BAHCC1: variants seen among roughly 807,000 people sequenced by gnomAD.
The protein encoded by BAHCC1 is BAH domain and coiled-coil containing 1, also known as BAH and coiled-coil domain-containing protein 1.
In BAHCC1, 43 loss-of-function variants were observed where a neutral mutation model predicts 88.2. The observed-to-expected ratio is 0.49, with a 90% confidence interval of 0.38 to 0.63. BAHCC1 has a LOEUF of 0.63. Among genes scored for constraint, BAHCC1 ranks in the 20% least tolerant of loss-of-function variants. The pLI, the probability that BAHCC1 is intolerant of heterozygous loss-of-function variation, is 0.00. For missense variants in BAHCC1, 3,023 were observed against 1,654.8 expected (o/e 1.83, Z -14.34); for synonymous variants, 1,510 against 745.5 (o/e 2.03, Z -16.71).
chr17:81,434,273 C>T lies in BAHCC1; in HGVS notation c.359-4097C>T, dbSNP rs1340188068. On this transcript the variant is annotated intron_variant, in intron 3 of 27. Transcript: ENST00000675386. The surrounding 1 kb of genome is among the most constrained non-coding windows in gnomAD (Gnocchi z 4.9). ...CGTGCACATTCCAGGCTCGGGGCCA[C>T]GCCCAGCTGACTGCATGACCCACTG... 1.3e-5 allele frequency among the ~76,000 whole-genome samples: 2 copies of T among 152,186 alleles called. No homozygotes were observed. The highest frequency in any genetic ancestry group is 4.8e-5 in the African/African-American group (2 of 41,446).
intron 2 of BAHCC1, among the ~76,000 whole-genome samples, chr17:81,418,839 T>A (rs1364221817): frequency 2.0e-5 from 1 of 48,880 alleles, no homozygotes; most frequent in Non-Finnish European, 5.0e-5. Flanking sequence ...GTGTAGCCAC[T>A]CATCCCAGAC....
chr17:81,398,613 C>G (rs557338506), intron 1 of BAHCC1, among the ~76,000 whole-genome samples: 495 of 152,312 alleles, frequency 3.2e-3, no homozygotes, highest in East Asian at 0.021. Context: ...AGCACCCCCC[C>G]CACACACACC....
Position 81,445,460 on chromosome 17 carries a change from C to T in BAHCC1, c.2942C>T (p.Pro981Leu), listed in dbSNP as rs375846663. The T allele has an allele frequency of 2.6e-6, 2 of 761,056 alleles. No individual in the cohort carries two copies. The highest frequency in any genetic ancestry group is 4.9e-6 in the Non-Finnish European group (2 of 410,278). 47.1% of individuals were successfully genotyped at this position (761,056 alleles called of 1,614,324 possible). ...TTAACCCCCACGGCCCCGGGCGCCC[C>T]CTCACCCGCTGCAGGCCCCACCAAG... is the stretch of plus-strand genomic sequence containing the variant. The part of the protein sequence containing the change: ...VALTPTAPGA[P>L]SPAAGPTKLP... The change falls in exon 10 of 28, where the codon CCC (proline) becomes CTC (leucine). Residue 981 changes from proline (P) to leucine (L), a missense_variant. Pro to Leu is a moderately conservative substitution (Grantham distance 98, BLOSUM62 -3). Coordinates refer to ENST00000675386, the MANE Select transcript of BAHCC1 (RefSeq NM_001377448.1).
rs2030699538 is a variant in BAHCC1 at position 81,466,157 on chromosome 17, A to C, written c.*2340A>C. 6.6e-6 allele frequency: 1 copy of C among 152,490 alleles called. No individual in the cohort carries two copies. The highest frequency in any genetic ancestry group is 6.5e-5 in the Admixed American group (1 of 15,284). 9.4% of individuals were successfully genotyped at this position (152,490 alleles called of 1,614,324 possible). ...ACGTGACGAAGGCACGATTCCTGTAAATGTGTAAACTAAGGGGATGGTTGG... is the reference window on the plus strand; with the variant it reads ...ACGTGACGAAGGCACGATTCCTGTACATGTGTAAACTAAGGGGATGGTTGG... On this transcript the variant is annotated 3_prime_UTR_variant, in exon 28 of 28. Transcript: ENST00000675386.
chr17:81,410,290 T>C (rs1181887299), intron 2 of BAHCC1, among the ~76,000 whole-genome samples: 4 of 152,154 alleles, frequency 2.6e-5, no homozygotes, highest in African/African-American at 9.7e-5. Context: ...GCCTCCCCCC[T>C]GGGCAGCAGG....
intron 1 of BAHCC1, among the ~76,000 whole-genome samples, chr17:81,398,651 TC>T (rs2063770833): frequency 6.6e-6 from 1 of 152,226 alleles, no homozygotes; most frequent in Non-Finnish European, 1.5e-5. Context: ...CAGAGGAAGA[TC>T]CTGGGCGAAT....
intron 2 of BAHCC1, among the ~76,000 whole-genome samples, chr17:81,405,305 A>G (rs1254100811): frequency 2.6e-5 from 4 of 152,176 alleles, no homozygotes; most frequent in African/African-American, 4.8e-5. Flanking sequence ...AGCTCAAGCA[A>G]TCTGCCCACC....
In BAHCC1 at chr17:81,444,622, G is replaced by A. The variant is rs782182937; in HGVS notation, c.2513-46G>A. ...TGGGGCTGATGAGGGTTCCCTCCTGGTCCCCGAGAGTGCGAGGCCTGACCA... is the reference window on the plus strand; with the variant it reads ...TGGGGCTGATGAGGGTTCCCTCCTGATCCCCGAGAGTGCGAGGCCTGACCA... On this transcript the variant is annotated intron_variant, in intron 7 of 27. Coordinates refer to ENST00000675386, the MANE Select transcript of BAHCC1 (RefSeq NM_001377448.1). The A allele has an allele frequency of 4.0e-6, 3 of 757,638 alleles. No individual in the cohort carries two copies. In the East Asian group the frequency reaches 7.3e-5, roughly 18 times the overall value. The allele number at this position is 757,638 out of a possible 1,614,324, so 46.9% of individuals were successfully genotyped here.
intron 15 of BAHCC1, among the ~76,000 whole-genome samples, chr17:81,455,844 C>T (rs1295433469): frequency 6.6e-6 from 1 of 152,164 alleles, no homozygotes; most frequent in East Asian, 1.9e-4. Flanking sequence ...TCTCGGCTGC[C>T]GACACCCCTT....
In BAHCC1 at chr17:81,457,398, C is replaced by T. The variant is rs782776176; in HGVS notation, c.4859-12C>T. 1.0e-5 allele frequency: 8 copies of T among 762,244 alleles called. No individual in the cohort carries two copies. The highest frequency in any genetic ancestry group is 1.7e-5 in the Non-Finnish European group (7 of 409,906). The allele number at this position is 762,244 out of a possible 1,614,324, so 47.2% of individuals were successfully genotyped here. ...CCATCAAGTCATCAGGACCCCTCTG[C>T]CTCTCTCCCAGGCAGTGGCTATGAC... is the stretch of plus-strand genomic sequence containing the variant. On this transcript the variant is annotated splice_polypyrimidine_tract_variant and intron_variant, in intron 16 of 27. Coordinates refer to ENST00000675386, the MANE Select transcript of BAHCC1 (RefSeq NM_001377448.1).
At chr17:81,454,580 G>T (rs1056195330) in intron 14 of BAHCC1, among the ~76,000 whole-genome samples, 4 of 72,628 alleles carry the variant, frequency 5.5e-5, no homozygotes, top group African/African-American at 2.1e-4. Context: ...CCCCGCCCCT[G>T]GTGGGACTCC....
Position 81,399,128 on chromosome 17 carries a change from A to AGTGTGAGTGTGT in BAHCC1, c.-206-401_-206-400insAGTGTGTGTGTG, listed in dbSNP as rs1555645399. The stretch of plus-strand genomic sequence containing the variant: ...GGGGAGGGGAGAGGGTGTGCGTGTG[A>AGTGTGAGTGTGT]GTGTGTGTGTGTGTGTGTGTGTGTG... On this transcript the variant is annotated intron_variant, in intron 1 of 27. Coordinates refer to ENST00000675386, the MANE Select transcript of BAHCC1 (RefSeq NM_001377448.1). This position sits in a 1 kb window ranked among gnomAD's most constrained non-coding sequence, Gnocchi z 4.5. 4.5e-6 allele frequency: 1 copy of AGTGTGAGTGTGT among 224,236 alleles called. No homozygotes were observed. Among genetic ancestry groups the AGTGTGAGTGTGT allele is most frequent in the African/African-American group, 2.6e-5 (1 of 38,010 alleles). The allele number at this position is 224,236 out of a possible 1,614,324, so 13.9% of individuals were successfully genotyped here. A position where few individuals can be genotyped will look rare whatever the true frequency, so the allele number is the denominator to read the frequency against.
At chr17:81,404,206 A>G (rs1359940312) in intron 2 of BAHCC1, among the ~76,000 whole-genome samples, 1 of 152,228 alleles carries the variant, frequency 6.6e-6, no homozygotes, top group African/African-American at 2.4e-5. Flanking sequence ...ACACATAAAA[A>G]AGCCAAATCC....
At chr17:81,419,144 A>G (rs1351949712) in intron 2 of BAHCC1, among the ~76,000 whole-genome samples, 1 of 152,160 alleles carries the variant, frequency 6.6e-6, no homozygotes, top group Non-Finnish European at 1.5e-5. Context: ...CCACATCTGC[A>G]CACTGGGGTG....
At chr17:81,453,454 G>C (rs1271371494) in intron 14 of BAHCC1, among the ~76,000 whole-genome samples, 1 of 152,258 alleles carries the variant, frequency 6.6e-6, no homozygotes, top group African/African-American at 2.4e-5. Context: ...AGTTAAATCG[G>C]CACTAAATGG....
chr17:81,420,785 C>T (rs1407878176), intron 2 of BAHCC1, among the ~76,000 whole-genome samples: 5 of 152,244 alleles, frequency 3.3e-5, no homozygotes, highest in Non-Finnish European at 5.9e-5. Flanking sequence ...CACCGCATCC[C>T]GCTTACTGTC....
At position 81,463,742 on chromosome 17, in the gene BAHCC1, C is replaced by G. The variant is rs1555660107; in HGVS notation, c.7752C>G (p.Leu2584=). The G allele has an allele frequency of 1.3e-6, 1 of 778,228 alleles. No individual in the cohort carries two copies. The highest frequency in any genetic ancestry group is 2.4e-6 in the Non-Finnish European group (1 of 417,536). The allele number at this position is 778,228 out of a possible 1,614,324, so 48.2% of individuals were successfully genotyped here. A position where few individuals can be genotyped will look rare whatever the true frequency, so the allele number is the denominator to read the frequency against. ...RSRKCQDRQD[L]YYLAGTYDPT... Reference sequence around the variant, plus strand: ...GCAAGTGCCAGGACCGGCAGGACCTCTACTACCTGGCGGGCACCTACGACC... The same window carrying G: ...GCAAGTGCCAGGACCGGCAGGACCTGTACTACCTGGCGGGCACCTACGACC... Residue 2584 remains leucine, a synonymous_variant, in exon 28 of 28, where the codon CTC becomes CTG. Transcript: ENST00000675386.
At chr17:81,428,759 C>T (rs1244735917) in intron 3 of BAHCC1, among the ~76,000 whole-genome samples, 9 of 152,356 alleles carry the variant, frequency 5.9e-5, no homozygotes, top group African/African-American at 1.2e-4. Flanking sequence ...CTTGTGCCAA[C>T]GGCTGCCTGG....
At chr17:81,409,817 G>A (rs2063926928) in intron 2 of BAHCC1, among the ~76,000 whole-genome samples, 1 of 152,210 alleles carries the variant, frequency 6.6e-6, no homozygotes, top group African/African-American at 2.4e-5. Flanking sequence ...CCAGCGAGGG[G>A]GAGACCATGG....
Sources: allele counts gnomAD v4.1 joint callset (sites outside exome capture counted in the v4.1 genomes callset), GRCh38; gene constraint gnomAD v4.1.1; non-coding constraint Gnocchi (gnomAD v3.1); transcripts MANE v1.5; gene names NCBI Gene and HGNC (gene_info 2026-07-23, HGNC 2026-07-21).